PRKN: variants seen among roughly 807,000 people sequenced by gnomAD.
PRKN encodes parkin RBR E3 ubiquitin protein ligase.
Under a neutral mutation model 59.5 loss-of-function variants are expected in PRKN, and 56 were observed. That is an observed-to-expected ratio of 0.94 (90% CI 0.76 to 1.18). The LOEUF is 1.18. Among genes scored for constraint, PRKN ranks in the 50% most tolerant of loss-of-function variants. The pLI is 0.00. For synonymous variants in PRKN, 250 were observed against 222.1 expected (o/e 1.13, Z -1.12); for missense variants, 657 against 596.4 (o/e 1.10, Z -1.06).
chr6:161,906,196 T>C (rs1778138562), intron 6 of PRKN, among the ~76,000 whole-genome samples: 1 of 152,204 alleles, frequency 6.6e-6, no homozygotes, highest in African/African-American at 2.4e-5. Context: ...TTCCTTGTCC[T>C]TTACTGCAGT....
At chr6:161,492,500 T>C (rs1463590577) in intron 9 of PRKN, among the ~76,000 whole-genome samples, 1 of 152,230 alleles carries the variant, frequency 6.6e-6, no homozygotes, top group Non-Finnish European at 1.5e-5. Context: ...GCTAATGCTG[T>C]TTTGGGCTGA....
At position 161,569,404 on chromosome 6, in the gene PRKN, T is replaced by C. The variant is rs1006331297; in HGVS notation, c.884A>G (p.Asn295Ser). The change falls in exon 8 of 12, where the codon AAC (asparagine) becomes AGC (serine). Residue 295 changes from asparagine (N) to serine (S), a missense_variant. By Grantham distance (46) the Asn-to-Ser change is conservative. Transcript: ENST00000366898. ...GTGATGGAGCTCTTTAATCAAGGAG[T>C]TGGGACAGCCAGCTGTTGGAAAGAA... ...YSLPCVAGCP[N>S]SLIKELHHFR... is the part of the protein sequence containing the mutation. The C allele has an allele frequency of 1.2e-6, 2 of 1,613,640 alleles. No homozygotes were observed. The highest frequency in any genetic ancestry group is 2.7e-5 in the African/African-American group (2 of 74,884).
At chr6:161,481,309 T>G (rs974090399) in intron 9 of PRKN, among the ~76,000 whole-genome samples, 6 of 152,028 alleles carry the variant, frequency 3.9e-5, no homozygotes, top group African/African-American at 1.4e-4. Flanking sequence ...GGAAAAGTAA[T>G]AAAAAGAACC....
intron 2 of PRKN, among the ~76,000 whole-genome samples, chr6:162,324,562 T>G (rs1783180373): frequency 6.6e-6 from 1 of 152,108 alleles, no homozygotes; most frequent in South Asian, 2.1e-4. Context: ...GTATCAGTAA[T>G]GCTTTGCTAA....
At chr6:162,243,489 GA>G (rs1033197544) in intron 3 of PRKN, among the ~76,000 whole-genome samples, 1 of 151,574 alleles carries the variant, frequency 6.6e-6, no homozygotes, top group Non-Finnish European at 1.5e-5. Flanking sequence ...TTGATCATTT[GA>G]AAAAAAAGTC....
intron 2 of PRKN, among the ~76,000 whole-genome samples, chr6:162,436,836 A>T (rs897492291): frequency 6.6e-6 from 1 of 152,024 alleles, no homozygotes; most frequent in Admixed American, 6.6e-5. Context: ...TCATGCCTGT[A>T]ATCTCAGCAC....
intron 1 of PRKN, among the ~76,000 whole-genome samples, chr6:162,639,323 T>C (rs1777870943): frequency 6.6e-6 from 1 of 152,044 alleles, no homozygotes; most frequent in African/African-American, 2.4e-5. Context: ...GTCTCTTATG[T>C]AAATAAAAAA....
At position 161,880,962 on chromosome 6, in the gene PRKN, A is replaced by C. The variant is rs539484835; in HGVS notation, c.734+92340T>G. ...GTTAACTCAAACAGTACCTCCAGAA[A>C]ACTAGTTATGTGGGGTTTGCTTTTT... On this transcript the variant is annotated intron_variant, in intron 6 of 11. Coordinates refer to ENST00000366898, the MANE Select transcript of PRKN (RefSeq NM_004562.3). 1.2e-3 allele frequency among the ~76,000 whole-genome samples: 186 copies of C among 152,228 alleles called. No individual in the cohort carries two copies. The Middle Eastern group carries it at 0.034, about 28-fold the overall frequency.
chr6:162,252,874 A>G lies in PRKN; in HGVS notation c.412+9651T>C, dbSNP rs114959603. On this transcript the variant is annotated intron_variant, in intron 3 of 11. Transcript: ENST00000366898. ...TATATTTCCCATTTTCAAAAAGCTT[A>G]TCAATGAGTGAATAAACAAATGTTG... Among the ~76,000 whole-genome samples, 822 of 152,376 alleles carry G rather than the reference A, an allele frequency of 5.4e-3. 9 individuals are homozygous for G. The highest frequency in any genetic ancestry group is 0.022 in the East Asian group (116 of 5,190).
intron 2 of PRKN, among the ~76,000 whole-genome samples, chr6:162,389,007 G>GAAAAAAAAAAA (rs71278564): frequency 9.6e-6 from 1 of 104,142 alleles, no homozygotes; most frequent in African/African-American, 3.6e-5. Context: ...AGTTCCTCCA[G>GAAAAAAAAAAA]AAAAAAAAAA....
Position 161,388,177 on chromosome 6 carries a change from C to A in PRKN, c.1084-1300G>T, listed in dbSNP as rs1243383072. Among the ~76,000 whole-genome samples the A allele has an allele frequency of 1.3e-5, 2 of 152,172 alleles. No individual in the cohort carries two copies. The highest frequency in any genetic ancestry group is 1.5e-5 in the Non-Finnish European group (1 of 68,036). On this transcript the variant is annotated intron_variant, in intron 9 of 11. Coordinates refer to ENST00000366898, the MANE Select transcript of PRKN (RefSeq NM_004562.3). This position sits in a 1 kb window ranked among gnomAD's most constrained non-coding sequence, Gnocchi z 4.3. Reference sequence around the variant, plus strand: ...TCCCATCCCCTGCCACCTGAAACACCTTGGGAAAGCCACCTTGGTTTCTGT... The same window carrying A: ...TCCCATCCCCTGCCACCTGAAACACATTGGGAAAGCCACCTTGGTTTCTGT...
At chr6:161,651,540 G>T (rs971677402) in intron 7 of PRKN, among the ~76,000 whole-genome samples, 2 of 152,172 alleles carry the variant, frequency 1.3e-5, no homozygotes, top group African/African-American at 2.4e-5. Context: ...GGGTTTATCT[G>T]ATGGATACTT....
intron 2 of PRKN, among the ~76,000 whole-genome samples, chr6:162,426,053 G>GCCCTC (rs1436869492): frequency 6.6e-6 from 1 of 152,218 alleles, no homozygotes; most frequent in Admixed American, 6.5e-5. Context: ...TATACGCTAT[G>GCCCTC]TCTTCAAAGG....
At chr6:161,821,221 C>T (rs922103050) in intron 6 of PRKN, among the ~76,000 whole-genome samples, 1 of 152,078 alleles carries the variant, frequency 6.6e-6, no homozygotes, top group Non-Finnish European at 1.5e-5. Flanking sequence ...CACCAACATA[C>T]CCACTGATAT....
intron 5 of PRKN, among the ~76,000 whole-genome samples, chr6:162,048,355 G>C (rs1777473339): frequency 6.6e-6 from 1 of 151,672 alleles, no homozygotes; most frequent in Non-Finnish European, 1.5e-5. Flanking sequence ...CTGTGTGACT[G>C]TCAGGTGTGA....
chr6:162,488,680 C>T (rs1583658592), intron 1 of PRKN, among the ~76,000 whole-genome samples: 1 of 152,158 alleles, frequency 6.6e-6, no homozygotes, highest in East Asian at 1.9e-4. Flanking sequence ...ATACTGCTCA[C>T]TGCATAGGGC....
intron 1 of PRKN, chr6:162,569,072 G>A (rs745441073): frequency 1.5e-6 from 1 of 674,344 alleles, no homozygotes; most frequent in Non-Finnish European, 2.7e-6. Flanking sequence ...CCACTTCCTG[G>A]ACATGGACAG....
intron 2 of PRKN, among the ~76,000 whole-genome samples, chr6:162,328,744 G>A (rs1783428330): frequency 1.3e-5 from 2 of 152,170 alleles, no homozygotes; most frequent in Non-Finnish European, 2.9e-5. Flanking sequence ...AGGCTCCAGG[G>A]ATGAGGAGAA....
rs112729181 is a variant in PRKN at position 161,398,003 on chromosome 6, C to T, written c.1084-11126G>A. Reference sequence around the variant, plus strand: ...ATGATGAAAAGAGAGAGAATGAAGACGCTAGCCAGAGAGGGGGCAGGATGG... The same window carrying T: ...ATGATGAAAAGAGAGAGAATGAAGATGCTAGCCAGAGAGGGGGCAGGATGG... On this transcript the variant is annotated intron_variant, in intron 9 of 11. Coordinates refer to ENST00000366898, the MANE Select transcript of PRKN (RefSeq NM_004562.3). 9.8e-4 allele frequency among the ~76,000 whole-genome samples: 149 copies of T among 152,212 alleles called. 2 individuals carry two copies. The highest frequency in any genetic ancestry group is 1.6e-3 in the Admixed American group (25 of 15,282).
Sources: gnomAD v4.1 joint callset for allele counts (sites outside exome capture counted in the v4.1 genomes callset) on GRCh38, gnomAD v4.1.1 for gene constraint, Gnocchi (gnomAD v3.1) non-coding constraint, MANE v1.5 for transcripts, NCBI Gene and HGNC (gene_info 2026-07-23, HGNC 2026-07-21) for gene names.